The following STX8 variants were observed in gnomAD, a reference collection of about 807,000 sequenced individuals.
STX8 encodes syntaxin 8, also known as syntaxin-8.
Under a neutral mutation model 37.5 loss-of-function variants are expected in STX8, and 23 were observed. The ratio of observed to expected loss-of-function variants is 0.61; its 90% CI spans 0.44 to 0.87. STX8 has a LOEUF of 0.87. Ranked by LOEUF, STX8 falls within the 40% of genes least tolerant of loss-of-function variation. The pLI is 0.00. For missense variants in STX8, 313 were observed against 284.7 expected (o/e 1.10, Z -0.71); for synonymous variants, 115 against 99.1 (o/e 1.16, Z -0.95).
chr17:9,573,702 T>A (rs1415335820), intron 1 of STX8, among the ~76,000 whole-genome samples: 1 of 152,184 alleles, frequency 6.6e-6, no homozygotes, highest in East Asian at 1.9e-4. Context: ...CTTAAAAATG[T>A]TTATACCCTT....
chr17:9,278,449 C>T (rs1412753169), intron 7 of STX8, among the ~76,000 whole-genome samples: 1 of 146,106 alleles, frequency 6.8e-6, no homozygotes, highest in East Asian at 2.0e-4. Flanking sequence ...AATTCCATCT[C>T]AGAAAAAAAA....
chr17:9,353,169 G>C (rs1446647239), intron 7 of STX8, among the ~76,000 whole-genome samples: 2 of 152,150 alleles, frequency 1.3e-5, no homozygotes, highest in East Asian at 3.9e-4. Context: ...AAAGTGCTGG[G>C]ATTACAGGCA....
intron 7 of STX8, among the ~76,000 whole-genome samples, chr17:9,307,615 G>A (rs1424652763): frequency 6.6e-6 from 1 of 152,128 alleles, no homozygotes; most frequent in East Asian, 1.9e-4. Context: ...TTAGGGCCTG[G>A]AAGCGGGGTG....
chr17:9,311,845 CTTT>C (rs909979572), intron 7 of STX8, among the ~76,000 whole-genome samples: 1 of 151,532 alleles, frequency 6.6e-6, no homozygotes, highest in Non-Finnish European at 1.5e-5. Flanking sequence ...GTTAAATTCT[CTTT>C]TTTTCTTTTT....
chr17:9,300,449 C>T (rs1236054132), intron 7 of STX8, among the ~76,000 whole-genome samples: 4 of 152,042 alleles, frequency 2.6e-5, no homozygotes, highest in Non-Finnish European at 5.9e-5. Context: ...TCCCCTCCCC[C>T]TTTTATTTTG....
chr17:9,528,296 T>A (rs537795797), intron 4 of STX8, among the ~76,000 whole-genome samples: 1 of 148,532 alleles, frequency 6.7e-6, no homozygotes, highest in Non-Finnish European at 1.5e-5. Context: ...GAGTTACACA[T>A]TGGTATGTTT....
chr17:9,447,993 A>G (rs993516932), intron 6 of STX8, among the ~76,000 whole-genome samples: 1 of 151,820 alleles, frequency 6.6e-6, no homozygotes, highest in Non-Finnish European at 1.5e-5. Flanking sequence ...CTTGGCCAGC[A>G]TCATCAAACT....
chr17:9,475,006 C>T (rs186699880), intron 6 of STX8, among the ~76,000 whole-genome samples: 142 of 152,202 alleles, frequency 9.3e-4, no homozygotes, highest in Non-Finnish European at 8.7e-4. Context: ...ACTTGTTTTA[C>T]TGAAGCCTCC....
At chr17:9,345,472 G>A (rs1910500860) in intron 7 of STX8, among the ~76,000 whole-genome samples, 1 of 151,952 alleles carries the variant, frequency 6.6e-6, no homozygotes, top group East Asian at 1.9e-4. Context: ...TTCTTTACCT[G>A]GTTGCCATTT....
At chr17:9,367,572 G>C (rs573575524) in intron 7 of STX8, among the ~76,000 whole-genome samples, 124 of 152,242 alleles carry the variant, frequency 8.1e-4, no homozygotes, top group African/African-American at 2.8e-3. Context: ...ATCGAAAAAA[G>C]TGCTATGCAT....
intron 6 of STX8, among the ~76,000 whole-genome samples, chr17:9,470,241 GACC>G (rs1905793404): frequency 6.6e-6 from 1 of 152,176 alleles, no homozygotes; most frequent in South Asian, 2.1e-4. Flanking sequence ...AAACCGTTGA[GACC>G]ACATTACCTT....
At chr17:9,567,127 C>T (rs1907492315) in intron 2 of STX8, among the ~76,000 whole-genome samples, 1 of 152,062 alleles carries the variant, frequency 6.6e-6, no homozygotes, top group Admixed American at 6.6e-5. Flanking sequence ...CATAGGGGGA[C>T]ATGACACACA....
chr17:9,414,750 T>C (rs540706236), intron 6 of STX8, among the ~76,000 whole-genome samples: 7 of 151,106 alleles, frequency 4.6e-5, no homozygotes, highest in Admixed American at 2.6e-4. Context: ...CTTTTGATAC[T>C]TGCTTTGTTT....
chr17:9,273,473 A>G (rs1286492363), intron 7 of STX8: 2 of 152,612 alleles, frequency 1.3e-5, no homozygotes, highest in African/African-American at 4.8e-5. Context: ...TCCTGGACCC[A>G]GTCTCCACCC....
intron 6 of STX8, among the ~76,000 whole-genome samples, chr17:9,414,889 C>A (rs144446538): frequency 0.028 from 3,933 of 140,874 alleles, 156 homozygotes; most frequent in African/African-American, 0.091. Flanking sequence ...CTCCTGGGTT[C>A]AAGCGATTCT....
chr17:9,545,923 A>G (rs1314970648), intron 3 of STX8, among the ~76,000 whole-genome samples: 3 of 152,130 alleles, frequency 2.0e-5, no homozygotes. Context: ...CAATGGTGCA[A>G]CCTGGCTCAG....
At chr17:9,515,412 A>G (rs1414037831) in intron 4 of STX8, among the ~76,000 whole-genome samples, 1 of 152,180 alleles carries the variant, frequency 6.6e-6, no homozygotes, top group African/African-American at 2.4e-5. Context: ...GTTGGTCTCA[A>G]GTATACTAAT....
At chr17:9,416,658 C>T (rs1035055036) in intron 6 of STX8, among the ~76,000 whole-genome samples, 9 of 152,174 alleles carry the variant, frequency 5.9e-5, no homozygotes, top group African/African-American at 1.4e-4. Flanking sequence ...TGAGCCACCA[C>T]GCCCGGCCTG....
At chr17:9,514,800 T>C (rs2142513648) in intron 4 of STX8, among the ~76,000 whole-genome samples, 1 of 152,234 alleles carries the variant, frequency 6.6e-6, no homozygotes, top group South Asian at 2.1e-4. Flanking sequence ...CAGAAACAAT[T>C]GCTACCCTAT....
Sources: gnomAD v4.1 joint callset for allele counts (sites outside exome capture counted in the v4.1 genomes callset) on GRCh38, gnomAD v4.1.1 for gene constraint, MANE v1.5 for transcripts, NCBI Gene and HGNC (gene_info 2026-07-23, HGNC 2026-07-21) for gene names.